Variants in HOMER2 observed in about 807,000 individuals in gnomAD.
HOMER2 encodes the protein homer protein homolog 2.
HOMER2 carries 27 observed loss-of-function variants against 47.0 expected under a neutral mutation model. The observed-to-expected ratio is 0.57, with a 90% CI of 0.42 to 0.79. The LOEUF is 0.79. Among genes scored for constraint, HOMER2 ranks in the 30% least tolerant of loss-of-function variants. HOMER2 has a pLI of 0.00. For missense variants in HOMER2, 443 were observed against 435.0 expected (o/e 1.02, Z -0.16); for synonymous variants, 161 against 163.8 (o/e 0.98, Z 0.13).
intron 3 of HOMER2, among the ~76,000 whole-genome samples, chr15:82,873,155 C>T (rs2052232109): frequency 6.6e-6 from 1 of 152,164 alleles, no homozygotes; most frequent in African/African-American, 2.4e-5. Flanking sequence ...ACCCTGACTC[C>T]CGGCCCTGCT....
At chr15:82,908,774 G>A (rs1461111793) in intron 1 of HOMER2, among the ~76,000 whole-genome samples, 1 of 151,858 alleles carries the variant, frequency 6.6e-6, no homozygotes, top group Non-Finnish European at 1.5e-5. Flanking sequence ...CAAACATGGA[G>A]GATGAAGGAG....
chr15:82,900,010 G>C (rs1298659207), intron 1 of HOMER2, among the ~76,000 whole-genome samples: 1 of 151,726 alleles, frequency 6.6e-6, no homozygotes, highest in Non-Finnish European at 1.5e-5. Context: ...CAACACAGTA[G>C]GTGAGACTCC....
At chr15:82,968,224 G>C (rs1453605723) in intron 1 of HOMER2, among the ~76,000 whole-genome samples, 1 of 152,034 alleles carries the variant, frequency 6.6e-6, no homozygotes, top group Non-Finnish European at 1.5e-5. Context: ...GCGGAATTTA[G>C]TACTTTCACA....
chr15:82,982,593 T>G (rs1289305801), intron 1 of HOMER2, among the ~76,000 whole-genome samples: 1 of 152,204 alleles, frequency 6.6e-6, no homozygotes, highest in Non-Finnish European at 1.5e-5. Context: ...GAGCATTTCC[T>G]TTGAGTGTCA....
At chr15:82,920,179 C>T (rs2053692111) in intron 1 of HOMER2, among the ~76,000 whole-genome samples, 1 of 152,170 alleles carries the variant, frequency 6.6e-6, no homozygotes, top group African/African-American at 2.4e-5. Flanking sequence ...TTGCCCACTT[C>T]CCCACATCAT....
chr15:82,922,248 CAT>C (rs2053748763), intron 1 of HOMER2, among the ~76,000 whole-genome samples: 1 of 152,176 alleles, frequency 6.6e-6, no homozygotes, highest in African/African-American at 2.4e-5. Flanking sequence ...AACTGGCAAA[CAT>C]ATGTGGGGTT....
chr15:82,952,757 G>T, upstream of HOMER2: 1 of 935,664 alleles, frequency 1.1e-6, no homozygotes, highest in South Asian at 4.9e-5. Flanking sequence ...CTGGGGCGGT[G>T]CCCGCCCCGC....
chr15:82,860,956 T>TGTGAGAGAGAGAGAGAGAGAGAGA (rs1555420264), intron 4 of HOMER2, among the ~76,000 whole-genome samples: 4 of 42,434 alleles, frequency 9.4e-5, no homozygotes, highest in African/African-American at 3.3e-4. Context: ...AGATAGAAGA[T>TGTGAGAGAGAGAGAGAGAGAGAGA]GAGAGAGAGA....
chr15:82,946,186 TG>T (rs1194966417), intron 1 of HOMER2, among the ~76,000 whole-genome samples: 1 of 152,176 alleles, frequency 6.6e-6, no homozygotes, highest in Non-Finnish European at 1.5e-5. Context: ...AAATAAACCA[TG>T]TGCTCTGCTC....
chr15:82,907,527 G>A (rs1567046688), intron 1 of HOMER2, among the ~76,000 whole-genome samples: 1 of 151,372 alleles, frequency 6.6e-6, no homozygotes, highest in Admixed American at 6.6e-5. Context: ...AGGAAAGAGA[G>A]AGACAGAAAG....
At chr15:82,964,215 C>G (rs935069998) in intron 1 of HOMER2, among the ~76,000 whole-genome samples, 5 of 152,336 alleles carry the variant, frequency 3.3e-5, no homozygotes, top group Non-Finnish European at 7.3e-5. Context: ...CCTCCTGATA[C>G]AGGCTTGCCG....
intron 1 of HOMER2, among the ~76,000 whole-genome samples, chr15:82,984,757 A>C (rs1308321542): frequency 6.6e-6 from 1 of 152,202 alleles, no homozygotes; most frequent in Non-Finnish European, 1.5e-5. Flanking sequence ...TCGAGGCTGC[A>C]GTATGCCATG....
At chr15:82,890,949 T>A (rs753868741) in intron 2 of HOMER2, among the ~76,000 whole-genome samples, 8 of 151,900 alleles carry the variant, frequency 5.3e-5, no homozygotes, top group Non-Finnish European at 1.2e-4. Context: ...AGGAAAAAAA[T>A]AAAGGCACCT....
intron 2 of HOMER2, among the ~76,000 whole-genome samples, chr15:82,878,282 C>A (rs547879808): frequency 7.2e-5 from 11 of 152,218 alleles, no homozygotes; most frequent in Admixed American, 7.2e-4. Context: ...AATGGTGATA[C>A]CCCCTGCTAT....
chr15:82,920,658 C>T (rs1385664521), intron 1 of HOMER2, among the ~76,000 whole-genome samples: 1 of 152,206 alleles, frequency 6.6e-6, no homozygotes, highest in East Asian at 1.9e-4. Context: ...CCCTCTGCTA[C>T]TCTCTTCAGA....
intron 5 of HOMER2, among the ~76,000 whole-genome samples, chr15:82,857,970 G>T (rs2051643489): frequency 6.6e-6 from 1 of 152,208 alleles, no homozygotes; most frequent in South Asian, 2.1e-4. Context: ...TATGGGGATT[G>T]TGTTACATTT....
chr15:82,848,944 CTG>C, downstream of HOMER2: 1 of 152,274 alleles, frequency 6.6e-6, no homozygotes, highest in Non-Finnish European at 1.5e-5. Context: ...CCCAGCTCTG[CTG>C]TGGGGTTTGA....
At chr15:82,881,688 T>C (rs1322100642) in intron 2 of HOMER2, among the ~76,000 whole-genome samples, 2 of 152,118 alleles carry the variant, frequency 1.3e-5, no homozygotes, top group African/African-American at 4.8e-5. Context: ...TGAAAGTAAT[T>C]TTACATTTCC....
At chr15:82,842,152 A>C (rs983705550) in exon 2 of HOMER2, 2 of 152,220 alleles carry the variant, frequency 1.3e-5, no homozygotes, top group Non-Finnish European at 2.9e-5. Flanking sequence ...CCTATACTAG[A>C]AAAGATAGGC....
Sources: allele counts gnomAD v4.1 joint callset (sites outside exome capture counted in the v4.1 genomes callset), GRCh38; gene constraint gnomAD v4.1.1; transcripts MANE v1.5; gene names NCBI Gene and HGNC (gene_info 2026-07-23, HGNC 2026-07-21).